The following RHOU variants were observed in gnomAD, a reference collection of about 807,000 sequenced individuals.
The protein encoded by RHOU is rho-related GTP-binding protein RhoU.
In RHOU, 8 loss-of-function variants were observed where a neutral mutation model predicts 12.6. The observed-to-expected ratio is 0.64, with a 90% CI of 0.37 to 1.15. The LOEUF (loss-of-function observed/expected upper bound fraction) is 1.15, where lower values mean the gene tolerates loss of function less well. RHOU is among the 50% of genes most tolerant of loss of function. The pLI is 0.01. For synonymous variants in RHOU, 161 were observed against 147.4 expected (o/e 1.09, Z -0.67); for missense variants, 258 against 347.0 (o/e 0.74, Z 2.04).
the RHOU span, among the ~76,000 whole-genome samples, chr1:228,729,986 G>C: frequency 8.5e-5 from 13 of 152,326 alleles, no homozygotes; most frequent in Non-Finnish European, 1.6e-4. Context: ...AGGAGCCACT[G>C]GTGGCCCATT....
At chr1:228,668,642 A>G in the RHOU span, among the ~76,000 whole-genome samples, 1 of 152,262 alleles carries the variant, frequency 6.6e-6, no homozygotes, top group Non-Finnish European at 1.5e-5. Context: ...TGTGAGACAC[A>G]TCCTGATTTC....
chr1:228,649,044 T>C, the RHOU span, among the ~76,000 whole-genome samples: 1 of 152,112 alleles, frequency 6.6e-6, no homozygotes, highest in Non-Finnish European at 1.5e-5. Context: ...TTTGTATTTT[T>C]AGCAGTGACA....
the RHOU span, among the ~76,000 whole-genome samples, chr1:228,647,375 C>T: frequency 6.6e-6 from 1 of 152,186 alleles, no homozygotes; most frequent in African/African-American, 2.4e-5. Context: ...GTACCGGGCG[C>T]GTCCGGAGGC....
In RHOU at chr1:228,746,533, C is replaced by T. The variant is rs1489885314; in HGVS notation, c.*2793C>T. 3.3e-5 allele frequency: 5 copies of T among 152,236 alleles called. No homozygotes were observed. Among genetic ancestry groups the T allele is most frequent in the Non-Finnish European group, 7.3e-5 (5 of 68,060 alleles). The allele number at this position is 152,236 out of a possible 1,614,324, so 9.4% of individuals were successfully genotyped here. A position where few individuals can be genotyped will look rare whatever the true frequency, so the allele number is the denominator to read the frequency against. On this transcript the variant is annotated 3_prime_UTR_variant, in exon 3 of 3. Coordinates refer to ENST00000366691, the MANE Select transcript of RHOU (RefSeq NM_021205.6). Reference sequence around the variant, plus strand: ...AGCCAAAATGGGAGCAAGGCCTTCTCTCCAGACTATCGTAACCTGGTGCCT... The same window carrying T: ...AGCCAAAATGGGAGCAAGGCCTTCTTTCCAGACTATCGTAACCTGGTGCCT...
At chr1:228,646,742 A>T in the RHOU span, among the ~76,000 whole-genome samples, 1 of 151,788 alleles carries the variant, frequency 6.6e-6, no homozygotes, top group African/African-American at 2.4e-5. Context: ...TCCCCCACAC[A>T]CAGACACACC....
At chr1:228,660,403 A>G in the RHOU span, among the ~76,000 whole-genome samples, 1 of 151,984 alleles carries the variant, frequency 6.6e-6, no homozygotes, top group African/African-American at 2.4e-5. Flanking sequence ...ATATTTAGAT[A>G]ACTAATATTA....
the RHOU span, among the ~76,000 whole-genome samples, chr1:228,712,109 G>C: frequency 6.6e-6 from 1 of 151,930 alleles, no homozygotes; most frequent in Admixed American, 6.6e-5. Flanking sequence ...ACCACAATGA[G>C]ATACCATTTC....
chr1:228,690,896 G>A, the RHOU span, among the ~76,000 whole-genome samples: 1 of 152,194 alleles, frequency 6.6e-6, no homozygotes, highest in African/African-American at 2.4e-5. Context: ...GATTACAGGC[G>A]TGAGCCTCCG....
upstream of RHOU, among the ~76,000 whole-genome samples, chr1:228,732,861 T>C (rs113962345): frequency 0.012 from 1,890 of 152,298 alleles, 17 homozygotes; most frequent in Non-Finnish European, 0.019. Context: ...GAAAATTAGA[T>C]ACAAAAACAA....
chr1:228,659,955 CA>C, the RHOU span, among the ~76,000 whole-genome samples: 5 of 34,626 alleles, frequency 1.4e-4, no homozygotes, highest in South Asian at 8.2e-4. Context: ...CTGGTCTCTA[CA>C]AAAAAAAAAC....
the RHOU span, among the ~76,000 whole-genome samples, chr1:228,657,445 T>C: frequency 6.6e-6 from 1 of 151,962 alleles, no homozygotes; most frequent in Non-Finnish European, 1.5e-5. Context: ...GAAGGGCATA[T>C]ATATTAATAA....
the RHOU span, among the ~76,000 whole-genome samples, chr1:228,727,276 C>T: frequency 1.1e-4 from 17 of 152,156 alleles, no homozygotes; most frequent in African/African-American, 3.4e-4. Context: ...GAAAACAGTC[C>T]TCTTGATGCA....
chr1:228,681,877 C>T, the RHOU span, among the ~76,000 whole-genome samples: 1 of 152,046 alleles, frequency 6.6e-6, no homozygotes, highest in Admixed American at 6.6e-5. Flanking sequence ...GGGAGCAGTC[C>T]TGGGCTGCAA....
At chr1:228,689,333 C>T in the RHOU span, among the ~76,000 whole-genome samples, 1 of 151,752 alleles carries the variant, frequency 6.6e-6, no homozygotes, top group South Asian at 2.1e-4. Flanking sequence ...ACTTCTGGAT[C>T]CAGATAGGGC....
the RHOU span, among the ~76,000 whole-genome samples, chr1:228,647,528 G>T: frequency 6.6e-6 from 1 of 152,226 alleles, no homozygotes; most frequent in East Asian, 1.9e-4. Flanking sequence ...GTTCTGGAGC[G>T]GAGATCTTGG....
the RHOU span, among the ~76,000 whole-genome samples, chr1:228,701,874 G>A: frequency 6.6e-6 from 1 of 151,222 alleles, no homozygotes; most frequent in African/African-American, 2.4e-5. Flanking sequence ...TCTTATATAT[G>A]TAGTTTTAAT....
chr1:228,736,028 C>T (rs752908501), intron 1 of RHOU, 24 bp downstream of exon 1: 1 of 1,565,826 alleles, frequency 6.4e-7, no homozygotes, highest in Admixed American at 1.8e-5. Context: ...GGGGCCGGGG[C>T]CGGGGGCGCG....
the RHOU span, among the ~76,000 whole-genome samples, chr1:228,692,902 T>C: frequency 6.6e-6 from 1 of 152,136 alleles, no homozygotes; most frequent in African/African-American, 2.4e-5. Context: ...CTTTAAACTA[T>C]CAAGCTCCCC....
At chr1:228,649,943 A>C in the RHOU span, among the ~76,000 whole-genome samples, 4 of 152,238 alleles carry the variant, frequency 2.6e-5, no homozygotes, top group African/African-American at 9.6e-5. Flanking sequence ...GTTGTTTGAC[A>C]CAAAATAACC....
Sources: allele counts gnomAD v4.1 joint callset (sites outside exome capture counted in the v4.1 genomes callset), GRCh38; gene constraint gnomAD v4.1.1; transcripts MANE v1.5; gene names NCBI Gene and HGNC (gene_info 2026-07-23, HGNC 2026-07-21).